The following IMPA1 variants were observed in gnomAD, a reference collection of about 807,000 sequenced individuals.
IMPA1 encodes the protein D-galactose 1-phosphate phosphatase.
Under a neutral mutation model 34.9 loss-of-function variants are expected in IMPA1, and 21 were observed. That is an observed-to-expected ratio of 0.60 (90% CI 0.43 to 0.87). The LOEUF (loss-of-function observed/expected upper bound fraction) is 0.87, where lower values mean the gene tolerates loss of function less well. IMPA1 is among the 40% of genes least tolerant of loss of function. The probability of loss-of-function intolerance (pLI) is 0.00; values close to 1 mark genes in which losing one functional copy is unlikely to be tolerated. For synonymous variants in IMPA1, 95 were observed against 104.4 expected (o/e 0.91, Z 0.55); for missense variants, 299 against 336.4 (o/e 0.89, Z 0.87).
intron 1 of IMPA1, 48 bp downstream of exon 1, chr8:81,686,204 A>C (rs1807521212): frequency 9.8e-7 from 1 of 1,015,606 alleles, no homozygotes; most frequent in Non-Finnish European, 1.2e-6. Flanking sequence ...GGAAACCCAC[A>C]GCGCCCGCTG....
intron 7 of IMPA1, among the ~76,000 whole-genome samples, chr8:81,664,156 C>T (rs7013193): frequency 0.039 from 5,954 of 152,124 alleles, 387 homozygotes; most frequent in African/African-American, 0.14. Flanking sequence ...TAAATATTTC[C>T]TTTTAATTTC....
chr8:81,659,045 C>T lies in IMPA1; in HGVS notation c.*306G>A, dbSNP rs1038460056. 6 of 341,014 alleles carry T rather than the reference C, an allele frequency of 1.8e-5. No homozygotes were observed. Among genetic ancestry groups the T allele is most frequent in the Non-Finnish European group, 2.7e-5 (5 of 185,338 alleles). The allele number at this position is 341,014 out of a possible 1,614,324, so 21.1% of individuals were successfully genotyped here. ...TATACTAAGTCAAAATTTCAGGGGA[C>T]CATAGATATTTAGAAACACAAAATT... On this transcript the variant is annotated 3_prime_UTR_variant, in exon 9 of 9. Transcript: ENST00000256108.
intron 7 of IMPA1, among the ~76,000 whole-genome samples, chr8:81,667,134 AAATT>A (rs1010308853): frequency 5.9e-5 from 9 of 152,102 alleles, no homozygotes; most frequent in Admixed American, 3.3e-4. Flanking sequence ...TAGACAAAAA[AAATT>A]AATTAGGTAA....
intron 1 of IMPA1, among the ~76,000 whole-genome samples, chr8:81,685,419 ATAAG>A (rs918019538): frequency 7.1e-6 from 1 of 140,602 alleles, no homozygotes; most frequent in Non-Finnish European, 1.5e-5. Flanking sequence ...GGTACTATAT[ATAAG>A]TATGTATACC....
chr8:81,660,669 TAACA>T lies in IMPA1; in HGVS notation c.567-6_567-3del. 1.3e-6 allele frequency: 2 copies of T among 1,591,754 alleles called. No homozygotes were observed. Among genetic ancestry groups the T allele is most frequent in the Admixed American group, 3.5e-5 (2 of 57,236 alleles). ...GCTGCTGTTCCAACACTCCGGATCC[TAACA>T]AATAGAATTTAGAAATAAAATTGGA... On this transcript the variant is annotated splice_polypyrimidine_tract_variant and splice_region_variant and intron_variant, in intron 7 of 8. Coordinates refer to ENST00000256108, the MANE Select transcript of IMPA1 (RefSeq NM_005536.4).
intron 5 of IMPA1, among the ~76,000 whole-genome samples, chr8:81,675,617 A>C (rs1392947066): frequency 6.6e-6 from 1 of 152,224 alleles, no homozygotes; most frequent in Non-Finnish European, 1.5e-5. Context: ...GCTGTTATAC[A>C]TGTTGATCTT....
intron 2 of IMPA1, 65 bp from the exon 3 acceptor site, chr8:81,680,848 A>G: frequency 8.2e-7 from 1 of 1,223,922 alleles, no homozygotes; most frequent in Non-Finnish European, 1.2e-6. Context: ...TAAAATACAT[A>G]AATGGTTTAA....
intron 7 of IMPA1, among the ~76,000 whole-genome samples, chr8:81,668,069 T>C (rs1436808590): frequency 1.3e-5 from 2 of 152,124 alleles, no homozygotes; most frequent in African/African-American, 2.4e-5. Flanking sequence ...GTGATCCACC[T>C]GCCTCAGCCT....
At chr8:81,685,197 A>G (rs1412439322) in intron 1 of IMPA1, among the ~76,000 whole-genome samples, 3 of 135,752 alleles carry the variant, frequency 2.2e-5, no homozygotes, top group Non-Finnish European at 4.6e-5. Context: ...ATACATAAGT[A>G]TATTTAGATA....
chr8:81,677,768 G>A (rs73695829), intron 4 of IMPA1, among the ~76,000 whole-genome samples: 3,998 of 151,234 alleles, frequency 0.026, 163 homozygotes, highest in African/African-American at 0.091. Context: ...ACATTTAAAA[G>A]ATATAACATT....
At chr8:81,685,141 A>ATC (rs1807464854) in intron 1 of IMPA1, among the ~76,000 whole-genome samples, 2 of 135,020 alleles carry the variant, frequency 1.5e-5, no homozygotes, top group Non-Finnish European at 3.0e-5. Context: ...GATACTATAT[A>ATC]TAGTATATAT....
At chr8:81,684,152 CACAT>C (rs202097835) in intron 1 of IMPA1, among the ~76,000 whole-genome samples, 4,169 of 131,268 alleles carry the variant, frequency 0.032, 90 homozygotes, top group East Asian at 0.09. Context: ...CACACACACA[CACAT>C]ACACACACAT....
At chr8:81,682,631 A>G (rs1462242414) in intron 1 of IMPA1, among the ~76,000 whole-genome samples, 5 of 151,748 alleles carry the variant, frequency 3.3e-5, no homozygotes, top group Non-Finnish European at 5.9e-5. Flanking sequence ...TTGTTTCCAA[A>G]CTTTTTTTTT....
Position 81,657,089 on chromosome 8 carries a change from A to C in IMPA1, c.*2262T>G, listed in dbSNP as rs958399263. Among the ~76,000 whole-genome samples, 2 of 152,214 alleles carry C rather than the reference A, an allele frequency of 1.3e-5. No homozygotes were observed. The highest frequency in any genetic ancestry group is 2.9e-5 in the Non-Finnish European group (2 of 68,044). Reference sequence around the variant, plus strand: ...AAATATTTTCAAATATTATTAGATAATTCACTTGTCGATCATCCTTTTTCA... The same window carrying C: ...AAATATTTTCAAATATTATTAGATACTTCACTTGTCGATCATCCTTTTTCA... On this transcript the variant is annotated 3_prime_UTR_variant, in exon 9 of 9. Transcript: ENST00000256108.
At chr8:81,678,677 A>G in intron 4 of IMPA1, 1 of 180,440 alleles carries the variant, frequency 5.5e-6, no homozygotes, top group South Asian at 9.5e-5. Context: ...GGCCAACAAG[A>G]GGGAAACTCC....
intron 7 of IMPA1, among the ~76,000 whole-genome samples, chr8:81,665,258 A>T (rs1166616113): frequency 6.6e-6 from 1 of 152,198 alleles, no homozygotes; most frequent in Non-Finnish European, 1.5e-5. Flanking sequence ...ACTGAAAAAA[A>T]TGTTACATCA....
intron 3 of IMPA1, among the ~76,000 whole-genome samples, chr8:81,680,122 G>GT (rs1220787405): frequency 7.2e-6 from 1 of 138,420 alleles, no homozygotes; most frequent in Non-Finnish European, 1.5e-5. Flanking sequence ...CTGACAGAGC[G>GT]TGTCTCCGTC....
At chr8:81,684,080 G>A (rs1015301743) in intron 1 of IMPA1, among the ~76,000 whole-genome samples, 5 of 149,846 alleles carry the variant, frequency 3.3e-5, no homozygotes, top group African/African-American at 1.2e-4. Context: ...TTATGAGCCA[G>A]GAATGGTGGA....
At chr8:81,676,426 A>C in intron 4 of IMPA1, 147 bp from the exon 5 acceptor site, 2 of 468,390 alleles carry the variant, frequency 4.3e-6, no homozygotes. Flanking sequence ...GATGCAAAAC[A>C]GTTTGTATGG....
Sources: allele counts gnomAD v4.1 joint callset (sites outside exome capture counted in the v4.1 genomes callset), GRCh38; gene constraint gnomAD v4.1.1; transcripts MANE v1.5; gene names NCBI Gene and HGNC (gene_info 2026-07-23, HGNC 2026-07-21).